Variants in LOXL2 observed in about 807,000 individuals in gnomAD.
LOXL2 encodes lysyl oxidase homolog 2.
LOXL2 carries 70 observed loss-of-function variants against 93.0 expected under a neutral mutation model. That is an observed-to-expected ratio of 0.75 (90% CI 0.62 to 0.92). The LOEUF is 0.92. Ranked by LOEUF, LOXL2 falls within the 40% of genes least tolerant of loss-of-function variation. The probability of loss-of-function intolerance (pLI) is 0.00; values close to 1 mark genes in which losing one functional copy is unlikely to be tolerated. For synonymous variants in LOXL2, 438 were observed against 413.2 expected (o/e 1.06, Z -0.73); for missense variants, 973 against 1,054.9 (o/e 0.92, Z 1.08).
chr8:23,346,219 T>C (rs953788766), intron 3 of LOXL2, among the ~76,000 whole-genome samples: 4 of 142,350 alleles, frequency 2.8e-5, no homozygotes, highest in Admixed American at 1.4e-4. Flanking sequence ...TAAAATAAAA[T>C]AAAATAAAAT....
At chr8:23,317,488 G>A (rs551454425) in intron 8 of LOXL2, among the ~76,000 whole-genome samples, 34 of 152,320 alleles carry the variant, frequency 2.2e-4, no homozygotes, top group African/African-American at 7.7e-4. Flanking sequence ...CTCTAAGCCC[G>A]AATAGGATCT....
At position 23,340,884 on chromosome 8, in the gene LOXL2, G is replaced by T. The variant is rs1368897671; in HGVS notation, c.743+108C>A. 5 of 996,118 alleles carry T rather than the reference G, an allele frequency of 5.0e-6. No homozygotes were observed. The East Asian group carries it at 9.7e-5, about 19-fold the overall frequency. 61.7% of individuals were successfully genotyped at this position (996,118 alleles called of 1,614,324 possible). A position where few individuals can be genotyped will look rare whatever the true frequency, so the allele number is the denominator to read the frequency against. ...AGGCTGCCTGCAGGGACACCAGCTT[G>T]CCTGGCCATGCCTGGCCAAGGAAAG... is the stretch of plus-strand genomic sequence containing the variant. On this transcript the variant is annotated intron_variant, in intron 4 of 13. Transcript: ENST00000389131.
rs549772296 is a variant in LOXL2, at chr8:23,297,746, A to G, written c.*297T>C. On this transcript the variant is annotated 3_prime_UTR_variant, in exon 14 of 14. Coordinates refer to ENST00000389131, the MANE Select transcript of LOXL2 (RefSeq NM_002318.3). Reference sequence around the variant, plus strand: ...GCTTGAATGGGACAAGCTGATGACAACCTGTCTGTGGGCCTCATCCCGGTC... The same window carrying G: ...GCTTGAATGGGACAAGCTGATGACAGCCTGTCTGTGGGCCTCATCCCGGTC... 6 of 324,842 alleles carry G rather than the reference A, an allele frequency of 1.8e-5. No individual in the cohort carries two copies. Among genetic ancestry groups the G allele is most frequent in the Admixed American group, 9.2e-5 (2 of 21,806 alleles). 20.1% of individuals were successfully genotyped at this position (324,842 alleles called of 1,614,324 possible).
At chr8:23,365,645 CCTCT>C (rs1281193084) in intron 2 of LOXL2, 4 of 152,060 alleles carry the variant, frequency 2.6e-5, no homozygotes, top group Admixed American at 1.3e-4. Context: ...TAATACACCT[CCTCT>C]CTCAGAGACT....
Position 23,333,517 on chromosome 8 carries a change from C to G in LOXL2, c.850G>C (p.Asp284His), listed in dbSNP as rs2117173065. The change falls in exon 5 of 14, where the codon GAC becomes CAC. Residue 284 changes from aspartate (D) to histidine (H), a missense_variant. Asp to His is a moderately conservative substitution (Grantham distance 81). Transcript: ENST00000389131. The part of the protein sequence containing the change: ...SCKLGPQVSL[D>H]PMKNVTCENG... ...TCGCAGGTGACATTCTTCATGGGGT[C>G]CAGTGACACCTGGGGGCCCAGCTTG... 6.2e-7 allele frequency: 1 copy of G among 1,614,038 alleles called. No homozygotes were observed. The highest frequency in any genetic ancestry group is 2.2e-5 in the East Asian group (1 of 44,896).
intron 1 of LOXL2, among the ~76,000 whole-genome samples, chr8:23,384,920 A>G (rs1804736635): frequency 6.6e-6 from 1 of 152,112 alleles, no homozygotes; most frequent in Non-Finnish European, 1.5e-5. Context: ...AAACAAACAA[A>G]CAAAAAGCCT....
intron 1 of LOXL2, among the ~76,000 whole-genome samples, chr8:23,379,352 G>C (rs977367798): frequency 1.3e-5 from 2 of 152,222 alleles, no homozygotes; most frequent in African/African-American, 4.8e-5. Context: ...CCCTACTGGG[G>C]GGTGCCTCCC....
At chr8:23,329,292 T>C (rs774631666) in intron 5 of LOXL2, among the ~76,000 whole-genome samples, 1 of 152,222 alleles carries the variant, frequency 6.6e-6, no homozygotes, top group Admixed American at 6.5e-5. Flanking sequence ...CAAGTCCAAA[T>C]TGGCCTGACT....
intron 6 of LOXL2, among the ~76,000 whole-genome samples, chr8:23,325,629 C>T (rs777334150): frequency 3.3e-5 from 5 of 152,190 alleles, no homozygotes; most frequent in Non-Finnish European, 7.3e-5. Flanking sequence ...ACTTCTTCAC[C>T]AAGTATTTGT....
chr8:23,328,235 G>C, intron 6 of LOXL2, 147 bp downstream of exon 6: 1 of 783,466 alleles, frequency 1.3e-6, no homozygotes, highest in Non-Finnish European at 2.1e-6. Context: ...TCTGTCTAGG[G>C]AGAGGCCTGG....
chr8:23,333,376 G>A (rs768162676), intron 5 of LOXL2, 25 bp downstream of exon 5: 6 of 1,608,022 alleles, frequency 3.7e-6, no homozygotes, highest in East Asian at 2.2e-5. Flanking sequence ...GTGCCAAGTG[G>A]CCACACCTCG....
chr8:23,376,797 A>T (rs181612207), intron 1 of LOXL2, among the ~76,000 whole-genome samples: 1,745 of 152,112 alleles, frequency 0.011, 19 homozygotes, highest in African/African-American at 0.04. Flanking sequence ...CCCCTTTATC[A>T]TTTTTTATTG....
At chr8:23,349,846 A>G (rs951787408) in intron 3 of LOXL2, among the ~76,000 whole-genome samples, 1 of 151,754 alleles carries the variant, frequency 6.6e-6, no homozygotes, top group Non-Finnish European at 1.5e-5. Flanking sequence ...TTTGGAAGGA[A>G]CCAGTAATGA....
chr8:23,389,444 G>T (rs1435370210), intron 1 of LOXL2, among the ~76,000 whole-genome samples: 3 of 152,126 alleles, frequency 2.0e-5, no homozygotes, highest in African/African-American at 7.2e-5. Context: ...AAGGACAATT[G>T]GCTTCCTAGT....
At chr8:23,364,686 A>C (rs183656849) in intron 2 of LOXL2, 1 of 81,440 alleles carries the variant, frequency 1.2e-5, no homozygotes, top group Admixed American at 1.3e-4. Context: ...AAATAGAATT[A>C]AAAAAATCAG....
chr8:23,336,721 A>G (rs1803798848), intron 4 of LOXL2: 1 of 152,184 alleles, frequency 6.6e-6, no homozygotes, highest in Non-Finnish European at 1.5e-5. Flanking sequence ...TGGGTTTCAG[A>G]TGGACGTAAG....
chr8:23,309,664 C>G lies in LOXL2; in HGVS notation c.1880+4G>C. ...TAGTGGGGAGGGTGGCCAGCCAGGC[C>G]TACCTGTGACAGTCGTGCCAGATCC... On this transcript the variant is annotated splice_donor_region_variant and intron_variant, in intron 10 of 13. Coordinates refer to ENST00000389131, the MANE Select transcript of LOXL2 (RefSeq NM_002318.3). 1 of 1,443,544 alleles carries G rather than the reference C, an allele frequency of 6.9e-7. No homozygotes were observed. The highest frequency in any genetic ancestry group is 9.2e-7 in the Non-Finnish European group (1 of 1,089,030). The allele number at this position is 1,443,544 out of a possible 1,614,324, so 89.4% of individuals were successfully genotyped here.
chr8:23,380,703 A>T (rs1804670196), intron 1 of LOXL2, among the ~76,000 whole-genome samples: 1 of 152,112 alleles, frequency 6.6e-6, no homozygotes, highest in Admixed American at 6.5e-5. Flanking sequence ...AATCTGGAAA[A>T]CACAAACAAG....
At chr8:23,361,038 C>T (rs765647763) in intron 2 of LOXL2, among the ~76,000 whole-genome samples, 6 of 151,854 alleles carry the variant, frequency 4.0e-5, no homozygotes, top group East Asian at 1.9e-4. Context: ...GTAGCTGGGA[C>T]GACAGGCGCA....
Sources: allele counts gnomAD v4.1 joint callset (sites outside exome capture counted in the v4.1 genomes callset), GRCh38; gene constraint gnomAD v4.1.1; transcripts MANE v1.5; gene names NCBI Gene and HGNC (gene_info 2026-07-23, HGNC 2026-07-21).